The following IL1RAPL2 variants were observed in gnomAD, a reference collection of about 807,000 sequenced individuals.
The protein encoded by IL1RAPL2 is X-linked interleukin-1 receptor accessory protein-like 2.
In IL1RAPL2, 3 loss-of-function variants were observed where a neutral mutation model predicts 44.1. That is an observed-to-expected ratio of 0.07 (90% CI 0.03 to 0.18). The LOEUF is 0.18. IL1RAPL2 is among the 10% of genes least tolerant of loss of function. The pLI is 1.00. For missense variants in IL1RAPL2, 391 were observed against 496.4 expected, an observed-to-expected ratio of 0.79 and a Z score of 2.02; for synonymous variants, 181 against 178.8, an observed-to-expected ratio of 1.01 and a Z score of -0.10.
chrX:104,714,930 C>A (rs752736981), intron 2 of IL1RAPL2, among the ~76,000 whole-genome samples: 2 of 111,036 alleles, frequency 1.8e-5, no homozygotes, highest in African/African-American at 6.5e-5. Context: ...AGAATGTTGG[C>A]CTGAAGTTTT....
intron 2 of IL1RAPL2, among the ~76,000 whole-genome samples, chrX:105,031,115 T>A (rs1193674312): frequency 2.7e-5 from 3 of 110,365 alleles, no homozygotes; most frequent in African/African-American, 9.9e-5. Context: ...CTTTGCTGAA[T>A]TTGCTTATCA....
At chrX:104,968,173 A>C (rs1316521213) in intron 2 of IL1RAPL2, among the ~76,000 whole-genome samples, 1 of 112,039 alleles carries the variant, frequency 8.9e-6, no homozygotes, top group Non-Finnish European at 1.9e-5. Flanking sequence ...GCAATGTATA[A>C]AACTGTTAAT....
At chrX:105,195,203 C>A (rs1556140028) in intron 2 of IL1RAPL2, among the ~76,000 whole-genome samples, 1 of 108,118 alleles carries the variant, frequency 9.2e-6, no homozygotes, top group Non-Finnish European at 1.9e-5. Flanking sequence ...ACCCTATAGG[C>A]ATGAGTTCTG....
intron 2 of IL1RAPL2, among the ~76,000 whole-genome samples, chrX:104,758,627 G>A (rs1262778782): frequency 1.8e-5 from 2 of 111,630 alleles, no homozygotes; most frequent in South Asian, 3.8e-4. Flanking sequence ...AGCCATTTGC[G>A]TTTTGAGCTA....
At chrX:105,060,038 T>G (rs1466970237) in intron 2 of IL1RAPL2, among the ~76,000 whole-genome samples, 5 of 112,127 alleles carry the variant, frequency 4.5e-5, no homozygotes, top group African/African-American at 6.5e-5. Flanking sequence ...ACTCTTCTCC[T>G]TAGTGCTTGT....
chrX:105,267,454 G>C lies in IL1RAPL2; in HGVS notation c.610G>C (p.Val204Leu). Reference protein sequence around the residue: ...QKGNALLIQEVQEEDGGNYTC... With the variant: ...QKGNALLIQELQEEDGGNYTC... ...AGGAAATGCTCTTCTGATCCAAGAA[G>C]TTCAAGAAGAAGATGGAGGAAATTA... Residue 204 changes from valine to leucine, a missense_variant, in exon 5 of 11, where the codon GTT becomes CTT. Val to Leu is a conservative substitution (Grantham distance 32). This residue lies in a region of IL1RAPL2 where 159 missense variants were observed against 251.7 expected (regional missense o/e 0.63). Transcript: ENST00000372582. 8.3e-7 allele frequency: 1 copy of C among 1,201,483 alleles called. No individual in the cohort carries two copies. Among genetic ancestry groups the C allele is most frequent in the Non-Finnish European group, 1.1e-6 (1 of 888,243 alleles).
intron 6 of IL1RAPL2, among the ~76,000 whole-genome samples, chrX:105,520,755 T>C (rs1449789528): frequency 1.8e-5 from 2 of 110,565 alleles, no homozygotes; most frequent in Non-Finnish European, 3.8e-5. Context: ...GTCAGGGATA[T>C]GGCTGTGATA....
chrX:104,664,567 T>G (rs1465258929), intron 2 of IL1RAPL2, among the ~76,000 whole-genome samples: 1 of 111,597 alleles, frequency 9.0e-6, no homozygotes, highest in Admixed American at 9.5e-5. Flanking sequence ...TTCTTCCACT[T>G]TTGTTGTTGC....
chrX:104,954,843 C>T (rs1229058816), intron 2 of IL1RAPL2, among the ~76,000 whole-genome samples: 1 of 112,876 alleles, frequency 8.9e-6, no homozygotes, highest in Non-Finnish European at 1.9e-5. Flanking sequence ...TTTGGCTTCA[C>T]TTAGGAAAGA....
chrX:104,883,342 C>T (rs1174555968), intron 2 of IL1RAPL2, among the ~76,000 whole-genome samples: 1 of 111,244 alleles, frequency 9.0e-6, no homozygotes, highest in Non-Finnish European at 1.9e-5. Context: ...GGCTCTCTAA[C>T]AACCCCCGAC....
intron 2 of IL1RAPL2, among the ~76,000 whole-genome samples, chrX:104,913,426 C>T (rs1350921715): frequency 4.5e-5 from 5 of 111,619 alleles, no homozygotes; most frequent in Non-Finnish European, 9.4e-5. Flanking sequence ...TGGTATATCA[C>T]TTCAGGTCCC....
At position 105,766,997 on chromosome X, in the gene IL1RAPL2, A is replaced by G. The variant is rs943460587; in HGVS notation, c.1397A>G (p.Gln466Arg). 8.3e-7 allele frequency: 1 copy of G among 1,206,872 alleles called. No homozygotes were observed. ...YMEDLTRYVE[Q>R]SRRLIIVLTP... ...GAAGATCTCACAAGATATGTTGAAC[A>G]AAGCAGAAGACTTATTATCGTGCTA... The change falls in exon 11 of 11, where the codon CAA becomes CGA. Residue 466 changes from glutamine (Q) to arginine (R), a missense_variant. Transcript: ENST00000372582.
chrX:105,447,365 A>ATT (rs2035972876), intron 5 of IL1RAPL2, among the ~76,000 whole-genome samples: 1 of 66,571 alleles, frequency 1.5e-5, no homozygotes, highest in Admixed American at 2.7e-4. Context: ...AAATATATAA[A>ATT]TATAAATATA....
intron 2 of IL1RAPL2, among the ~76,000 whole-genome samples, chrX:104,895,051 C>T (rs1238944315): frequency 8.9e-6 from 1 of 112,602 alleles, no homozygotes. Flanking sequence ...TGGAGGTCCA[C>T]TCCAGACTGT....
intron 1 of IL1RAPL2, among the ~76,000 whole-genome samples, chrX:104,648,245 C>A (rs754244271): frequency 6.3e-5 from 7 of 111,936 alleles, no homozygotes; most frequent in Admixed American, 9.5e-5. Context: ...GTATAGTATT[C>A]CATTTATGAA....
intron 2 of IL1RAPL2, among the ~76,000 whole-genome samples, chrX:104,899,539 C>T (rs143829743): frequency 8.9e-6 from 1 of 111,754 alleles, no homozygotes; most frequent in East Asian, 2.8e-4. Context: ...CCTGACCTAA[C>T]ATTTCAGATA....
At chrX:105,713,280 G>A (rs1340327122) in intron 6 of IL1RAPL2, among the ~76,000 whole-genome samples, 1 of 111,556 alleles carries the variant, frequency 9.0e-6, no homozygotes, top group Non-Finnish European at 1.9e-5. Flanking sequence ...TGCTCTAACA[G>A]AGGTTCTCCA....
chrX:104,778,020 G>GTT (rs201651612), intron 2 of IL1RAPL2, among the ~76,000 whole-genome samples: 3 of 107,000 alleles, frequency 2.8e-5, no homozygotes, highest in African/African-American at 1.0e-4. Context: ...GCCAACACTT[G>GTT]TTTTTTTTTT....
At chrX:105,582,846 CATGAG>C (rs1467832561) in intron 6 of IL1RAPL2, among the ~76,000 whole-genome samples, 2 of 110,656 alleles carry the variant, frequency 1.8e-5, no homozygotes, top group Non-Finnish European at 3.8e-5. Flanking sequence ...CCCACGTGGT[CATGAG>C]ATATCATTTT....
Sources: gnomAD v4.1 joint callset for allele counts (sites outside exome capture counted in the v4.1 genomes callset) on GRCh38, gnomAD v4.1.1 for gene constraint, gnomAD v4.1.1 regional missense constraint, MANE v1.5 for transcripts, NCBI Gene and HGNC (gene_info 2026-07-23, HGNC 2026-07-21) for gene names.